Variants in CCNY observed in about 807,000 individuals in gnomAD.
CCNY encodes the protein cyclin-Y.
Under a neutral mutation model 42.8 loss-of-function variants are expected in CCNY, and 19 were observed. The ratio of observed to expected loss-of-function variants is 0.44; its 90% CI spans 0.31 to 0.65. The LOEUF (loss-of-function observed/expected upper bound fraction) is 0.65, where lower values mean the gene tolerates loss of function less well. Ranked by LOEUF, CCNY falls within the 30% of genes least tolerant of loss-of-function variation. The probability of loss-of-function intolerance (pLI) is 0.07; values close to 1 mark genes in which losing one functional copy is unlikely to be tolerated. For synonymous variants in CCNY, 165 were observed against 162.7 expected (o/e 1.01, Z -0.11); for missense variants, 370 against 437.3 (o/e 0.85, Z 1.37).
intron 3 of CCNY, among the ~76,000 whole-genome samples, chr10:35,265,552 T>G (rs1038372164): frequency 1.3e-5 from 2 of 152,228 alleles, no homozygotes; most frequent in African/African-American, 4.8e-5. Context: ...CCCTGTGCGC[T>G]AGGTCTTGAC....
chr10:35,324,753 CT>C (rs1000349246), intron 3 of CCNY, among the ~76,000 whole-genome samples: 17 of 151,786 alleles, frequency 1.1e-4, no homozygotes, highest in African/African-American at 4.1e-4. Context: ...TTTGTGCATA[CT>C]TTTTTTTCTA....
chr10:35,417,224 T>C (rs558347337), intron 1 of CCNY, among the ~76,000 whole-genome samples: 3 of 152,320 alleles, frequency 2.0e-5, no homozygotes, highest in African/African-American at 7.2e-5. Flanking sequence ...CGAGGAGGTA[T>C]TTAGAATCAG....
At chr10:35,266,812 G>A (rs2095726017) in intron 3 of CCNY, among the ~76,000 whole-genome samples, 1 of 152,008 alleles carries the variant, frequency 6.6e-6, no homozygotes, top group African/African-American at 2.4e-5. Flanking sequence ...CGCCGGGTGC[G>A]GTGGCTCACA....
chr10:35,526,013 T>G lies in CCNY; in HGVS notation c.401+14T>G, dbSNP rs1840644741. 1 of 1,606,974 alleles carries G rather than the reference T, an allele frequency of 6.2e-7. No homozygotes were observed. Among genetic ancestry groups the G allele is most frequent in the South Asian group, 1.1e-5 (1 of 90,220 alleles). On this transcript the variant is annotated intron_variant, in intron 5 of 9. Transcript: ENST00000374704. ...CATCAAAAACAGGTATGTGGATGGT[T>G]GTGTGCTAAAAACATCATACGTTAT...
intron 8 of CCNY, among the ~76,000 whole-genome samples, chr10:35,557,937 G>A (rs1456064890): frequency 2.0e-5 from 3 of 152,120 alleles, no homozygotes; most frequent in Non-Finnish European, 4.4e-5. Flanking sequence ...TGCCTCTTTG[G>A]TGTGAGTTCA....
rs958989816 is a variant in CCNY, at chr10:35,408,732, C to A, written c.154+71525C>A. Among the ~76,000 whole-genome samples, 48 of 152,064 alleles carry A rather than the reference C, an allele frequency of 3.2e-4. 1 individual carries two copies. Among genetic ancestry groups the A allele is most frequent in the African/African-American group, 1.1e-3 (47 of 41,382 alleles). ...GGTCACTGGGAATATGATGGCTTAG[C>A]TTGGGCTCAGAGGCCTGACAGTAAT... On this transcript the variant is annotated intron_variant, in intron 1 of 9. Transcript: ENST00000374704.
chr10:35,543,316 C>T (rs1001265893), intron 7 of CCNY, among the ~76,000 whole-genome samples: 2 of 152,104 alleles, frequency 1.3e-5, no homozygotes, highest in African/African-American at 4.8e-5. Context: ...GCCCATGGGT[C>T]GAAGTCTGAA....
At chr10:35,364,725 G>GT (rs1307469991) in intron 1 of CCNY, among the ~76,000 whole-genome samples, 2 of 151,944 alleles carry the variant, frequency 1.3e-5, no homozygotes, top group African/African-American at 4.8e-5. Flanking sequence ...CTCCTTTAGT[G>GT]TTTTTTTCAG....
chr10:35,495,223 T>G (rs139298509), intron 2 of CCNY, among the ~76,000 whole-genome samples: 1 of 152,256 alleles, frequency 6.6e-6, no homozygotes, highest in Non-Finnish European at 1.5e-5. Flanking sequence ...AGTTGCATTT[T>G]CTTCTTTATA....
chr10:35,335,924 A>C (rs28729860), upstream of CCNY: 7,353 of 70,256 alleles, frequency 0.1, 264 homozygotes, highest in African/African-American at 0.2. Context: ...ACACACACAC[A>C]CACCTTAGCC....
intron 4 of CCNY, 38 bp downstream of exon 4, chr10:35,516,661 C>CTTCCTTTTTTTTTTT (rs1166900318): frequency 1.8e-5 from 6 of 327,614 alleles, no homozygotes; most frequent in East Asian, 1.6e-4. Context: ...TCCTTCCTTC[C>CTTCCTTTTTTTTTTT]TTTTTTTTTT....
At chr10:35,469,662 T>G (rs1365732967) in intron 1 of CCNY, among the ~76,000 whole-genome samples, 3 of 113,562 alleles carry the variant, frequency 2.6e-5, no homozygotes, top group African/African-American at 3.5e-5. Flanking sequence ...CAATGGAGAG[T>G]CAGACGGGAG....
intron 3 of CCNY, among the ~76,000 whole-genome samples, chr10:35,503,971 G>A (rs1245001092): frequency 6.6e-6 from 1 of 152,140 alleles, no homozygotes; most frequent in Non-Finnish European, 1.5e-5. Context: ...TCTGAATATG[G>A]ATCTCAACTG....
intron 1 of CCNY, among the ~76,000 whole-genome samples, chr10:35,444,823 GGT>G (rs1216424955): frequency 6.6e-6 from 1 of 152,192 alleles, no homozygotes; most frequent in African/African-American, 2.4e-5. Context: ...TGGATGTAGG[GGT>G]GGAGGAGGCG....
intron 3 of CCNY, among the ~76,000 whole-genome samples, chr10:35,312,773 T>C (rs1226563385): frequency 3.1e-5 from 4 of 130,336 alleles, no homozygotes; most frequent in African/African-American, 1.2e-4. Context: ...TTTTTTAGAG[T>C]TGGGGTCTTG....
chr10:35,534,273 C>T (rs1406028501), intron 7 of CCNY, among the ~76,000 whole-genome samples: 1 of 152,216 alleles, frequency 6.6e-6, no homozygotes, highest in Non-Finnish European at 1.5e-5. Context: ...CTGCCCACCT[C>T]AGCCTCCCAA....
In CCNY at chr10:35,530,763, C is replaced by G. The variant is rs1840747781; in HGVS notation, c.579+520C>G. On this transcript the variant is annotated intron_variant, in intron 7 of 9. Coordinates refer to ENST00000374704, the MANE Select transcript of CCNY (RefSeq NM_145012.6). The surrounding 1 kb of genome is among the most constrained non-coding windows in gnomAD (Gnocchi z 4.3). ...TGGAGGTAACGTATATTTTAAGACT[C>G]AAGAAAAAATAAAAATTTGTTTTTA... Among the ~76,000 whole-genome samples the G allele has an allele frequency of 6.6e-6, 1 of 152,080 alleles. No individual in the cohort carries two copies. The highest frequency in any genetic ancestry group is 1.5e-5 in the Non-Finnish European group (1 of 68,012).
At chr10:35,300,610 T>C (rs974895635) in intron 3 of CCNY, among the ~76,000 whole-genome samples, 1 of 152,200 alleles carries the variant, frequency 6.6e-6, no homozygotes, top group African/African-American at 2.4e-5. Flanking sequence ...CAATTTATTT[T>C]TTATGTATCA....
chr10:35,312,351 A>C (rs1324489353), intron 3 of CCNY, among the ~76,000 whole-genome samples: 1 of 139,534 alleles, frequency 7.2e-6, no homozygotes, highest in Non-Finnish European at 1.5e-5. Flanking sequence ...ACTGCACTCC[A>C]GCCTGGGCAA....
Sources: allele counts gnomAD v4.1 joint callset (sites outside exome capture counted in the v4.1 genomes callset), GRCh38; gene constraint gnomAD v4.1.1; non-coding constraint Gnocchi (gnomAD v3.1); transcripts MANE v1.5; gene names NCBI Gene and HGNC (gene_info 2026-07-23, HGNC 2026-07-21).